DLGAP4: variants seen among roughly 807,000 people sequenced by gnomAD.
The protein encoded by DLGAP4 is disks large-associated protein 4.
In DLGAP4, 18 loss-of-function variants were observed where a neutral mutation model predicts 86.9. The ratio of observed to expected loss-of-function variants is 0.21; its 90% CI spans 0.14 to 0.31. The LOEUF (loss-of-function observed/expected upper bound fraction) is 0.31, where lower values mean the gene tolerates loss of function less well. Among genes scored for constraint, DLGAP4 ranks in the 10% least tolerant of loss-of-function variants. DLGAP4 has a pLI of 1.00. For synonymous variants in DLGAP4, 548 were observed against 574.3 expected, an observed-to-expected ratio of 0.95 and a Z score of 0.65; for missense variants, 1,085 against 1,362.6, an observed-to-expected ratio of 0.80 and a Z score of 3.21.
At position 36,432,207 on chromosome 20, in the gene DLGAP4, G is replaced by T; in HGVS notation, c.490G>T (p.Val164Phe). 6.2e-7 allele frequency: 1 copy of T among 1,614,128 alleles called. No homozygotes were observed. Among genetic ancestry groups the T allele is most frequent in the Non-Finnish European group, 8.5e-7 (1 of 1,180,034 alleles). ...APSLEGTAGK[V>F]GGNGSKKGGM... is the part of the protein sequence containing the mutation. Reference sequence around the variant, plus strand: ...CTCACTGGAGGGCACAGCGGGCAAGGTCGGTGGCAATGGCAGCAAGAAGGG... The same window carrying T: ...CTCACTGGAGGGCACAGCGGGCAAGTTCGGTGGCAATGGCAGCAAGAAGGG... Residue 164 changes from valine (V) to phenylalanine (F), a missense_variant, in exon 3 of 13, where the codon GTC becomes TTC. This residue lies in a region of DLGAP4 where 1,082 missense variants were observed against 1,344.1 expected (regional missense o/e 0.81). Transcript: ENST00000339266. This position sits in a 1 kb window ranked among gnomAD's most constrained non-coding sequence, Gnocchi z 6.5.
chr20:36,426,736 A>G (rs1393062019), intron 2 of DLGAP4, among the ~76,000 whole-genome samples: 3 of 152,170 alleles, frequency 2.0e-5, no homozygotes, highest in South Asian at 2.1e-4. Flanking sequence ...TGTTACATGT[A>G]TTTTGCTACA....
At chr20:36,357,107 G>T (rs1376225693) in intron 1 of DLGAP4, among the ~76,000 whole-genome samples, 1 of 152,100 alleles carries the variant, frequency 6.6e-6, no homozygotes, top group Non-Finnish European at 1.5e-5. Flanking sequence ...CAGGGTAAAG[G>T]CCAGACTCCC....
chr20:36,316,920 G>C (rs979446832), intron 1 of DLGAP4, among the ~76,000 whole-genome samples: 3 of 152,226 alleles, frequency 2.0e-5, no homozygotes, highest in African/African-American at 7.2e-5. Context: ...CCGGCTGCCT[G>C]TTTGGCTTGC....
chr20:36,512,978 G>T (rs61369499), intron 10 of DLGAP4, among the ~76,000 whole-genome samples: 1,798 of 103,820 alleles, frequency 0.017, 61 homozygotes, highest in African/African-American at 0.073. Context: ...TTGAGATGGG[G>T]TCTCACTCTT....
Position 36,527,238 on chromosome 20 carries a change from AATC to A in DLGAP4, c.*209_*211del. On this transcript the variant is annotated 3_prime_UTR_variant, in exon 13 of 13. Coordinates refer to ENST00000339266, the MANE Select transcript of DLGAP4 (RefSeq NM_001365621.2). The stretch of plus-strand genomic sequence containing the variant: ...TTATGAAGATTTTACTCACAAAAAA[AATC>A]AACAAAAATCACGAAACTAGAAAAC... 1 of 473,764 alleles carries A rather than the reference AATC, an allele frequency of 2.1e-6. No homozygotes were observed. Among genetic ancestry groups the A allele is most frequent in the South Asian group, 5.1e-5 (1 of 19,698 alleles). The allele number at this position is 473,764 out of a possible 1,614,324, so 29.3% of individuals were successfully genotyped here. A position where few individuals can be genotyped will look rare whatever the true frequency, so the allele number is the denominator to read the frequency against.
intron 7 of DLGAP4, among the ~76,000 whole-genome samples, chr20:36,451,642 C>T (rs530198281): frequency 2.6e-5 from 4 of 152,020 alleles, no homozygotes; most frequent in South Asian, 2.1e-4. Flanking sequence ...TGAGCCACCA[C>T]GCCTGGCTCT....
rs1218860893 is a variant in DLGAP4 at position 36,432,491 on chromosome 20, G to A, written c.774G>A (p.Lys258=). 1 of 1,613,482 alleles carries A rather than the reference G, an allele frequency of 6.2e-7. No individual in the cohort carries two copies. Among genetic ancestry groups the A allele is most frequent in the South Asian group, 1.1e-5 (1 of 91,072 alleles). The change falls in exon 3 of 13, where the codon AAG becomes AAA. Residue 258 remains lysine (K), a synonymous_variant. Transcript: ENST00000339266. This position sits in a 1 kb window ranked among gnomAD's most constrained non-coding sequence, Gnocchi z 6.5. ...TISGHMLKTT[K]NNTTELTAPP... The stretch of plus-strand genomic sequence containing the variant: ...GTGGGCACATGCTCAAAACCACCAA[G>A]AACAACACTACTGAGCTGACTGCCC...
intron 7 of DLGAP4, chr20:36,462,455 C>G: frequency 6.5e-7 from 1 of 1,539,348 alleles, no homozygotes; most frequent in Non-Finnish European, 8.7e-7. Flanking sequence ...CCCTTGGCCC[C>G]CCCTTGCTTT....
At chr20:36,428,826 G>T (rs1338077426) in intron 2 of DLGAP4, among the ~76,000 whole-genome samples, 1 of 152,222 alleles carries the variant, frequency 6.6e-6, no homozygotes, top group Non-Finnish European at 1.5e-5. Context: ...CTCTAGGGGA[G>T]AATTCATCTC....
At chr20:36,517,112 C>T (rs2037087290) in intron 10 of DLGAP4, among the ~76,000 whole-genome samples, 1 of 151,636 alleles carries the variant, frequency 6.6e-6, no homozygotes, top group Admixed American at 6.5e-5. Flanking sequence ...GACGCAGTGC[C>T]TCACGCCTGT....
At position 36,396,603 on chromosome 20, in the gene DLGAP4, C is replaced by T. The variant is rs970277477; in HGVS notation, c.-73+29328C>T. ...TACACACACCAGACACACACACGCA[C>T]GCATACACACCACAGACACAAACAC... On this transcript the variant is annotated intron_variant, in intron 2 of 12. Coordinates refer to ENST00000339266, the MANE Select transcript of DLGAP4 (RefSeq NM_001365621.2). 3.1e-3 allele frequency among the ~76,000 whole-genome samples: 377 copies of T among 119,818 alleles called. 2 individuals carry two copies. Among genetic ancestry groups the T allele is most frequent in the Non-Finnish European group, 4.9e-3 (228 of 46,550 alleles). 78.6% of individuals were successfully genotyped at this position (119,818 alleles called of 152,430 possible). A position where few individuals can be genotyped will look rare whatever the true frequency, so the allele number is the denominator to read the frequency against.
intron 2 of DLGAP4, among the ~76,000 whole-genome samples, chr20:36,375,278 G>GATC (rs1350171657): frequency 6.6e-6 from 1 of 152,200 alleles, no homozygotes; most frequent in Non-Finnish European, 1.5e-5. Flanking sequence ...GTCATTGCCA[G>GATC]ATCATCCCCT....
At chr20:36,339,061 G>A (rs1392913457) in intron 1 of DLGAP4, among the ~76,000 whole-genome samples, 1 of 152,200 alleles carries the variant, frequency 6.6e-6, no homozygotes, top group East Asian at 1.9e-4. Context: ...AGCCACGGAG[G>A]GTTTTAGGCA....
chr20:36,331,093 G>T (rs150493314), intron 1 of DLGAP4, among the ~76,000 whole-genome samples: 27 of 152,306 alleles, frequency 1.8e-4, no homozygotes, highest in Middle Eastern at 3.4e-3. Context: ...GGGGGCCTGT[G>T]GGGGGAGGCC....
chr20:36,326,098 T>G (rs1171610809), intron 1 of DLGAP4, among the ~76,000 whole-genome samples: 1 of 152,200 alleles, frequency 6.6e-6, no homozygotes, highest in East Asian at 1.9e-4. Context: ...TTTTCATCCT[T>G]TTACTTTGTA....
chr20:36,458,748 A>G lies in DLGAP4; in HGVS notation c.1648+11811A>G, dbSNP rs576471762. Among the ~76,000 whole-genome samples the G allele has an allele frequency of 4.6e-5, 7 of 152,294 alleles. No homozygotes were observed. In the South Asian group the frequency reaches 1.0e-3, roughly 23 times the overall value. On this transcript the variant is annotated intron_variant, in intron 7 of 12. Transcript: ENST00000339266. ...AAAAAAAGACTACTCAGGGGGCTGC[A>G]TGGAGCCACGTTTGAGGGGCGAGAA...
At chr20:36,419,004 C>T (rs776082201) in intron 2 of DLGAP4, among the ~76,000 whole-genome samples, 18 of 152,126 alleles carry the variant, frequency 1.2e-4, no homozygotes, top group South Asian at 6.2e-4. Context: ...GGATCAGGCT[C>T]GGATTCATAC....
chr20:36,401,745 C>T (rs6031680), intron 2 of DLGAP4, among the ~76,000 whole-genome samples: 8,043 of 152,204 alleles, frequency 0.053, 675 homozygotes, highest in African/African-American at 0.18. Flanking sequence ...TTGACAGAGA[C>T]GAGTTTTACA....
intron 2 of DLGAP4, among the ~76,000 whole-genome samples, chr20:36,384,807 T>G (rs932673702): frequency 2.1e-4 from 32 of 151,934 alleles, no homozygotes; most frequent in Non-Finnish European, 4.3e-4. Flanking sequence ...GGCTCAGAGA[T>G]TGTGTGGAAA....
Sources: allele counts gnomAD v4.1 joint callset (sites outside exome capture counted in the v4.1 genomes callset), GRCh38; gene constraint gnomAD v4.1.1; regional missense constraint gnomAD v4.1.1; non-coding constraint Gnocchi (gnomAD v3.1); transcripts MANE v1.5; gene names NCBI Gene and HGNC (gene_info 2026-07-23, HGNC 2026-07-21).